The following KIAA0825 variants were observed in gnomAD, a reference collection of about 807,000 sequenced individuals.
KIAA0825 encodes the protein uncharacterized protein KIAA0825.
In KIAA0825, 119 loss-of-function variants were observed where a neutral mutation model predicts 147.6. That is an observed-to-expected ratio of 0.81 (90% confidence interval 0.69 to 0.94). KIAA0825 has a LOEUF of 0.94. Among genes scored for constraint, KIAA0825 ranks in the 40% least tolerant of loss-of-function variants. The probability of loss-of-function intolerance (pLI) is 0.00; values close to 1 mark genes in which losing one functional copy is unlikely to be tolerated. For synonymous variants in KIAA0825, 470 were observed against 518.1 expected, an observed-to-expected ratio of 0.91 and a Z score of 1.26; for missense variants, 1,381 against 1,472.7, an observed-to-expected ratio of 0.94 and a Z score of 1.02.
intron 20 of KIAA0825, among the ~76,000 whole-genome samples, chr5:94,194,362 C>T (rs1425307282): frequency 1.3e-5 from 2 of 152,030 alleles, no homozygotes. Context: ...AAATTCAGTC[C>T]TTGGGTATGC....
intron 20 of KIAA0825, among the ~76,000 whole-genome samples, chr5:94,277,463 C>G (rs936353672): frequency 6.6e-6 from 1 of 152,098 alleles, no homozygotes; most frequent in African/African-American, 2.4e-5. Flanking sequence ...TGAACAGACA[C>G]TTCTCAAAAG....
chr5:94,230,688 G>T (rs1283094038), intron 20 of KIAA0825, among the ~76,000 whole-genome samples: 2 of 152,024 alleles, frequency 1.3e-5, no homozygotes, highest in Non-Finnish European at 2.9e-5. Context: ...AGTTCTCAAT[G>T]AACTTTAAAG....
intron 20 of KIAA0825, among the ~76,000 whole-genome samples, chr5:94,326,648 C>T (rs1780722621): frequency 1.3e-5 from 2 of 152,146 alleles, no homozygotes; most frequent in South Asian, 4.1e-4. Context: ...CTGTTATGGC[C>T]TCTGTAACTC....
At chr5:94,454,460 A>G (rs2150918730) in intron 12 of KIAA0825, among the ~76,000 whole-genome samples, 1 of 152,304 alleles carries the variant, frequency 6.6e-6, no homozygotes, top group African/African-American at 2.4e-5. Flanking sequence ...GACATTTTTT[A>G]GACTTTAATA....
At chr5:94,567,340 G>A (rs560255493) in intron 2 of KIAA0825, 36 of 152,070 alleles carry the variant, frequency 2.4e-4, no homozygotes, top group African/African-American at 4.3e-4. Flanking sequence ...AAGAAACTGC[G>A]GCCAAAATTT....
chr5:94,240,224 T>C (rs1775278443), intron 20 of KIAA0825, among the ~76,000 whole-genome samples: 1 of 152,246 alleles, frequency 6.6e-6, no homozygotes, highest in South Asian at 2.1e-4. Context: ...CAATCCATCA[T>C]GTCTTGCTTG....
In KIAA0825 at chr5:94,464,902, GC is replaced by G. The variant is rs1562523730; in HGVS notation, c.2029del (p.Ala677ProfsTer11). 1.3e-6 allele frequency: 2 copies of G among 1,551,556 alleles called. No homozygotes were observed. Among genetic ancestry groups the G allele is most frequent in the Non-Finnish European group, 1.7e-6 (2 of 1,146,928 alleles). ...LSLLASRYAR[A>X]HPSRKRTPQL... is the part of the protein sequence containing the mutation. ...TGGAGTTCTTTTACGGCTGGGGTGG[GC>G]CCGAGCGTATCTGGAGGCCAGTAGA... On this transcript the variant is annotated frameshift_variant, in exon 11 of 21. Transcript: ENST00000682413. LOFTEE classifies it high-confidence loss of function.
chr5:94,167,666 C>T (rs551081880), intron 20 of KIAA0825, among the ~76,000 whole-genome samples: 164 of 151,866 alleles, frequency 1.1e-3, no homozygotes, highest in African/African-American at 3.4e-3. Context: ...GGAAATATAC[C>T]CACACTAAAA....
At chr5:94,396,706 T>A (rs1220123645) in intron 16 of KIAA0825, among the ~76,000 whole-genome samples, 197 bp from the exon 17 acceptor site, 1 of 152,094 alleles carries the variant, frequency 6.6e-6, no homozygotes, top group Non-Finnish European at 1.5e-5. Context: ...AATCTGTTTT[T>A]TTTTTTCTCT....
At chr5:94,380,629 A>C (rs1425089124) in intron 20 of KIAA0825, among the ~76,000 whole-genome samples, 2 of 152,242 alleles carry the variant, frequency 1.3e-5, no homozygotes, top group Non-Finnish European at 2.9e-5. Flanking sequence ...GGTAGCCTGG[A>C]GGGTCCCTTT....
intron 2 of KIAA0825, among the ~76,000 whole-genome samples, chr5:94,541,705 C>T (rs1018999881): frequency 6.6e-6 from 1 of 152,208 alleles, no homozygotes; most frequent in East Asian, 1.9e-4. Flanking sequence ...TTATGCAAAT[C>T]TTACCTTATG....
intron 1 of KIAA0825, among the ~76,000 whole-genome samples, chr5:94,617,059 TAA>T (rs1790713437): frequency 6.6e-6 from 1 of 152,164 alleles, no homozygotes; most frequent in Non-Finnish European, 1.5e-5. Flanking sequence ...AAAATAGAAA[TAA>T]TACAATTTTT....
At position 94,178,663 on chromosome 5, in the gene KIAA0825, A is replaced by C. The variant is rs145023378; in HGVS notation, c.3711-24539T>G. Among the ~76,000 whole-genome samples the C allele has an allele frequency of 5.8e-4, 88 of 152,176 alleles. 1 individual carries two copies. The highest frequency in any genetic ancestry group is 3.4e-3 in the Middle Eastern group (1 of 294). ...CACAAACAACATTTAAGAGGGCATA[A>C]AATTCTTAGGCTACCAATTTTCTCC... On this transcript the variant is annotated intron_variant, in intron 20 of 20. Coordinates refer to ENST00000682413, the MANE Select transcript of KIAA0825 (RefSeq NM_001145678.3).
rs767371294 is a variant in KIAA0825 at position 94,417,231 on chromosome 5, G to T, written c.2632C>A (p.Gln878Lys). 4 of 1,550,782 alleles carry T rather than the reference G, an allele frequency of 2.6e-6. No individual in the cohort carries two copies. In the South Asian group the frequency reaches 4.8e-5, roughly 18 times the overall value. ...NVFVSYMEEE[Q>K]LWDFLYNIPV... ...ATGTTATATAAAAAGTCCCATAATT[G>T]CTCTTCTTCCATGTAGCTCACAAAA... The change falls in exon 15 of 21, where the codon CAA (glutamine) becomes AAA (lysine). Residue 878 changes from glutamine to lysine, a missense_variant. By Grantham distance (53) the Gln-to-Lys change is moderately conservative (BLOSUM62 1). Transcript: ENST00000682413.
chr5:94,570,943 G>A (rs2152326666), intron 2 of KIAA0825, among the ~76,000 whole-genome samples: 2 of 152,192 alleles, frequency 1.3e-5, no homozygotes, highest in Admixed American at 1.3e-4. Flanking sequence ...AGTTATTTTT[G>A]TTTTATTCAA....
intron 12 of KIAA0825, among the ~76,000 whole-genome samples, chr5:94,458,744 C>CTTT (rs143676278): frequency 4.0e-5 from 6 of 148,756 alleles, no homozygotes; most frequent in African/African-American, 1.5e-4. Context: ...TGCCAGATAC[C>CTTT]TTTTTTTTAA....
chr5:94,206,939 C>T (rs1772255062), intron 20 of KIAA0825, among the ~76,000 whole-genome samples: 1 of 152,168 alleles, frequency 6.6e-6, no homozygotes, highest in African/African-American at 2.4e-5. Context: ...GACAATACCA[C>T]ATTGCTGTTC....
At chr5:94,222,264 C>G (rs530599111) in intron 20 of KIAA0825, among the ~76,000 whole-genome samples, 3 of 152,144 alleles carry the variant, frequency 2.0e-5, no homozygotes, top group South Asian at 2.1e-4. Context: ...GCCTTTCTCT[C>G]CTCTCCCAGG....
chr5:94,496,530 G>A (rs35542601), intron 5 of KIAA0825, among the ~76,000 whole-genome samples: 11,741 of 152,218 alleles, frequency 0.077, 619 homozygotes, highest in South Asian at 0.21. Flanking sequence ...GTGGGATGAC[G>A]GAGATAAGAG....
Sources: gnomAD v4.1 joint callset for allele counts (sites outside exome capture counted in the v4.1 genomes callset) on GRCh38, gnomAD v4.1.1 for gene constraint, MANE v1.5 for transcripts, NCBI Gene and HGNC (gene_info 2026-07-23, HGNC 2026-07-21) for gene names.